The following RXRG variants were observed in gnomAD, a reference collection of about 807,000 sequenced individuals.
The protein encoded by RXRG is retinoic acid receptor RXR-gamma.
Under a neutral mutation model 49.2 loss-of-function variants are expected in RXRG, and 19 were observed. The observed-to-expected ratio is 0.39, with a 90% CI of 0.27 to 0.57. The LOEUF (loss-of-function observed/expected upper bound fraction) is 0.57, where lower values mean the gene tolerates loss of function less well. RXRG is among the 20% of genes least tolerant of loss of function. The pLI is 0.64. For missense variants in RXRG, 452 were observed against 592.5 expected (o/e 0.76, Z 2.46); for synonymous variants, 224 against 216.6 (o/e 1.03, Z -0.30).
intron 1 of RXRG, among the ~76,000 whole-genome samples, chr1:165,439,439 G>C (rs61800589): frequency 1.3e-5 from 2 of 152,090 alleles, no homozygotes; most frequent in Admixed American, 6.5e-5. Flanking sequence ...CATGAATCCA[G>C]GTGGAACTGC....
At chr1:165,412,585 G>C (rs1657990570) in intron 4 of RXRG, among the ~76,000 whole-genome samples, 1 of 152,240 alleles carries the variant, frequency 6.6e-6, no homozygotes, top group South Asian at 2.1e-4. Context: ...GATAGTTAAG[G>C]CTGGTACTTA....
At chr1:165,429,007 A>T in intron 1 of RXRG, 41 bp from the exon 2 acceptor site, 3 of 1,590,978 alleles carry the variant, frequency 1.9e-6, no homozygotes, top group Non-Finnish European at 2.6e-6. Context: ...GTTGGGGAAC[A>T]TGGAAAGGGG....
intron 1 of RXRG, among the ~76,000 whole-genome samples, chr1:165,433,822 G>A (rs1322808803): frequency 6.6e-6 from 1 of 152,208 alleles, no homozygotes; most frequent in African/African-American, 2.4e-5. Flanking sequence ...GACCATGTTA[G>A]GCCTTCAAAC....
chr1:165,435,444 G>C (rs1238405142), intron 1 of RXRG, among the ~76,000 whole-genome samples: 1 of 152,202 alleles, frequency 6.6e-6, no homozygotes, highest in Non-Finnish European at 1.5e-5. Flanking sequence ...AGCTGGTAAA[G>C]AGCAGGGCCA....
intron 1 of RXRG, chr1:165,437,063 C>T: frequency 1.5e-6 from 2 of 1,319,594 alleles, no homozygotes; most frequent in Non-Finnish European, 2.0e-6. Flanking sequence ...CTCAAAATCT[C>T]CTTTGCTCCT....
chr1:165,413,356 G>A lies in RXRG; in HGVS notation c.623-2247C>T, dbSNP rs115422303. Among the ~76,000 whole-genome samples, 1,083 of 152,248 alleles carry A rather than the reference G, an allele frequency of 7.1e-3. 13 individuals are homozygous for A. Among genetic ancestry groups the A allele is most frequent in the African/African-American group, 0.025 (1,031 of 41,538 alleles). On this transcript the variant is annotated intron_variant, in intron 4 of 9. Transcript: ENST00000359842. The stretch of plus-strand genomic sequence containing the variant: ...TATTACAATAGGCAAAATTTATGAA[G>A]CTCTTTCTCTGTGTCAGGAATTATG...
intron 1 of RXRG, among the ~76,000 whole-genome samples, chr1:165,431,980 A>C (rs1658686687): frequency 6.6e-6 from 1 of 152,248 alleles, no homozygotes; most frequent in Admixed American, 6.5e-5. Context: ...TTTAAGAAAA[A>C]GTCTAAGTAC....
intron 1 of RXRG, among the ~76,000 whole-genome samples, chr1:165,435,171 C>T (rs181565822): frequency 3.9e-4 from 60 of 152,146 alleles, no homozygotes; most frequent in Non-Finnish European, 8.2e-4. Context: ...ATAATGTAAA[C>T]ATCACAAAAT....
At chr1:165,403,231 A>G (rs1657642798) in intron 9 of RXRG, among the ~76,000 whole-genome samples, 1 of 152,152 alleles carries the variant, frequency 6.6e-6, no homozygotes, top group Non-Finnish European at 1.5e-5. Flanking sequence ...GTGCAATGCC[A>G]GCTCATTTTT....
chr1:165,415,924 G>A (rs139928628), intron 4 of RXRG, among the ~76,000 whole-genome samples: 92 of 152,296 alleles, frequency 6.0e-4, no homozygotes, highest in African/African-American at 2.1e-3. Flanking sequence ...TGGCACCTCA[G>A]GAAACTCCGT....
chr1:165,429,030 G>A (rs1355927987), intron 1 of RXRG, 64 bp from the exon 2 acceptor site: 6 of 1,546,246 alleles, frequency 3.9e-6, no homozygotes, highest in Non-Finnish European at 5.2e-6. Context: ...CTGGGGGACA[G>A]AGGCCTAGCC....
Position 165,437,130 on chromosome 1 carries a change from G to A in RXRG, c.49+7715C>T, listed in dbSNP as rs771861438. ...GGGAAGCAGCCTCCTGGAGGGTTCA[G>A]GGCTCACAGTATCTGTTTTCACAGC... On this transcript the variant is annotated intron_variant, in intron 1 of 9. Coordinates refer to ENST00000359842, the MANE Select transcript of RXRG (RefSeq NM_006917.5). The A allele has an allele frequency of 1.2e-5, 16 of 1,367,580 alleles. No individual in the cohort carries two copies. In the East Asian group the frequency reaches 5.0e-4, roughly 43 times the overall value. The allele number at this position is 1,367,580 out of a possible 1,614,324, so 84.7% of individuals were successfully genotyped here.
At chr1:165,403,549 A>G (rs3820363) in intron 9 of RXRG, among the ~76,000 whole-genome samples, 6,478 of 152,332 alleles carry the variant, frequency 0.043, 167 homozygotes, top group East Asian at 0.071. Flanking sequence ...AAAATTAAAG[A>G]TCTATGCCAA....
Position 165,417,090 on chromosome 1 carries a change from G to A in RXRG, c.573C>T (p.Cys191=). 1 of 1,614,112 alleles carries A rather than the reference G, an allele frequency of 6.2e-7. No individual in the cohort carries two copies. Among genetic ancestry groups the A allele is most frequent in the South Asian group, 1.1e-5 (1 of 91,078 alleles). Residue 191 remains cysteine (C), a synonymous_variant, in exon 4 of 10, where the codon TGC becomes TGT. Coordinates refer to ENST00000359842, the MANE Select transcript of RXRG (RefSeq NM_006917.5). ...CLIDKRQRNR[C]QYCRYQKCLV... ...GGCACTTCTGATAGCGACAGTACTGGCAGCGGTTGCGCTGACGCTTGTCAA... is the reference window on the plus strand; with the variant it reads ...GGCACTTCTGATAGCGACAGTACTGACAGCGGTTGCGCTGACGCTTGTCAA...
intron 1 of RXRG, among the ~76,000 whole-genome samples, chr1:165,434,733 G>T (rs1207372425): frequency 1.3e-5 from 2 of 152,220 alleles, no homozygotes; most frequent in African/African-American, 4.8e-5. Context: ...ACCAAAGCCT[G>T]TCTCTGTTCC....
Position 165,401,067 on chromosome 1 carries a change from A to G in RXRG, c.*196T>C. 1.8e-6 allele frequency: 1 copy of G among 547,360 alleles called. No homozygotes were observed. The allele number at this position is 547,360 out of a possible 1,614,324, so 33.9% of individuals were successfully genotyped here. A position where few individuals can be genotyped will look rare whatever the true frequency, so the allele number is the denominator to read the frequency against. On this transcript the variant is annotated 3_prime_UTR_variant, in exon 10 of 10. Coordinates refer to ENST00000359842, the MANE Select transcript of RXRG (RefSeq NM_006917.5). ...AGTCTCCCAGCCCTGTAGACAGCAA[A>G]GCGTATTACCTTTAACATCTATACA...
At chr1:165,428,993 G>A (rs1264331127) in intron 1 of RXRG, 27 bp from the exon 2 acceptor site, 4 of 1,600,132 alleles carry the variant, frequency 2.5e-6, no homozygotes, top group East Asian at 2.2e-5. Flanking sequence ...ATAGATGGTG[G>A]GAGGTTGGGG....
intron 1 of RXRG, among the ~76,000 whole-genome samples, chr1:165,431,150 G>A (rs1658659963): frequency 6.6e-6 from 1 of 152,220 alleles, no homozygotes; most frequent in Admixed American, 6.5e-5. Context: ...TAGTGGCAAA[G>A]CCTTGATTCA....
chr1:165,420,946 G>T (rs1035866286), intron 2 of RXRG, among the ~76,000 whole-genome samples: 5 of 152,324 alleles, frequency 3.3e-5, no homozygotes, highest in East Asian at 1.9e-4. Context: ...AGAAGTAAAG[G>T]TTTAGTGGTT....
Sources: gnomAD v4.1 joint callset for allele counts (sites outside exome capture counted in the v4.1 genomes callset) on GRCh38, gnomAD v4.1.1 for gene constraint, MANE v1.5 for transcripts, NCBI Gene and HGNC (gene_info 2026-07-23, HGNC 2026-07-21) for gene names.